Variants in SPIRE2 observed in about 807,000 individuals in gnomAD.
SPIRE2 encodes spire type actin nucleation factor 2, also known as protein spire homolog 2.
A neutral mutation model predicts 80.7 loss-of-function variants in SPIRE2; 76 were observed. The ratio of observed to expected loss-of-function variants is 0.94; its 90% CI spans 0.78 to 1.14. The LOEUF (loss-of-function observed/expected upper bound fraction) is 1.14, where lower values mean the gene tolerates loss of function less well. Among genes scored for constraint, SPIRE2 ranks in the 50% most tolerant of loss-of-function variants. SPIRE2 has a pLI of 0.00. For missense variants in SPIRE2, 1,196 were observed against 1,015.3 expected, an observed-to-expected ratio of 1.18 and a Z score of -2.42; for synonymous variants, 535 against 432.6, an observed-to-expected ratio of 1.24 and a Z score of -2.94.
At chr16:89,852,485 C>T (rs1242896363) in intron 3 of SPIRE2, among the ~76,000 whole-genome samples, 1 of 1,472 alleles carries the variant, frequency 6.8e-4, no homozygotes. Flanking sequence ...TTCCATCCTC[C>T]CCCCACCCCC....
At chr16:89,843,780 A>G (rs1341808974) in intron 1 of SPIRE2, among the ~76,000 whole-genome samples, 1 of 108,290 alleles carries the variant, frequency 9.2e-6, no homozygotes, top group Admixed American at 1.1e-4. Flanking sequence ...GTTCACTGCA[A>G]CCTCCACCCC....
Position 89,870,321 on chromosome 16 carries a change from C to A in SPIRE2, c.*49C>A. On this transcript the variant is annotated 3_prime_UTR_variant, in exon 15 of 15. Transcript: ENST00000378247. ...AGGAGGCACCAGGCAGGCCCTGTAT[C>A]AGGCTAGGACGCTCTGAGCTGTGCA... 1.6e-6 allele frequency: 2 copies of A among 1,220,112 alleles called. No homozygotes were observed. The highest frequency in any genetic ancestry group is 2.4e-6 in the Non-Finnish European group (2 of 849,612). The allele number at this position is 1,220,112 out of a possible 1,614,324, so 75.6% of individuals were successfully genotyped here. A position where few individuals can be genotyped will look rare whatever the true frequency, so the allele number is the denominator to read the frequency against.
chr16:89,850,629 C>G lies in SPIRE2; in HGVS notation c.614C>G (p.Ala205Gly). The G allele has an allele frequency of 6.6e-7, 1 of 1,512,176 alleles. No individual in the cohort carries two copies. Among genetic ancestry groups the G allele is most frequent in the Non-Finnish European group, 8.8e-7 (1 of 1,136,346 alleles). The allele number at this position is 1,512,176 out of a possible 1,614,324, so 93.7% of individuals were successfully genotyped here. ...ALFVETLELRAFLARVREAKE... is the reference protein window; with the variant it reads ...ALFVETLELRGFLARVREAKE... ...TTCGTGGAGACGCTGGAGCTGCGGG[C>G]CTTCCTGGCCAGGGTCCGGGAGGCC... The change falls in exon 3 of 15, where the codon GCC becomes GGC. Residue 205 changes from alanine to glycine, a missense_variant. Ala to Gly is a moderately conservative substitution (Grantham distance 60, BLOSUM62 0). Coordinates refer to ENST00000378247, the MANE Select transcript of SPIRE2 (RefSeq NM_032451.2).
rs911249452 is a variant in SPIRE2 at position 89,828,723 on chromosome 16, G to A, written c.173G>A (p.Arg58His). The change falls in exon 1 of 15, where the codon CGC becomes CAC. Residue 58 changes from arginine to histidine, a missense_variant. By Grantham distance (29) the Arg-to-His change is conservative (BLOSUM62 0). Coordinates refer to ENST00000378247, the MANE Select transcript of SPIRE2 (RefSeq NM_032451.2). This position sits in a 1 kb window ranked among gnomAD's most constrained non-coding sequence, Gnocchi z 5.9. Reference protein sequence around the residue: ...CRGLRGSPGRRLRDTGDLLLR... With the variant: ...CRGLRGSPGRHLRDTGDLLLR... ...GGGCTGCGGGGCTCGCCGGGCCGGC[G>A]CCTGCGGGATACCGGGGACCTCCTG... The A allele has an allele frequency of 8.8e-6, 11 of 1,253,268 alleles. No individual in the cohort carries two copies. Among genetic ancestry groups the A allele is most frequent in the Non-Finnish European group, 1.1e-5 (11 of 995,770 alleles). The allele number at this position is 1,253,268 out of a possible 1,614,324, so 77.6% of individuals were successfully genotyped here. A position where few individuals can be genotyped will look rare whatever the true frequency, so the allele number is the denominator to read the frequency against.
At chr16:89,848,073 A>C (rs1205024798) in intron 2 of SPIRE2, among the ~76,000 whole-genome samples, 3 of 152,192 alleles carry the variant, frequency 2.0e-5, no homozygotes, top group Non-Finnish European at 4.4e-5. Context: ...CAGGTGGGAA[A>C]CACATTTCCC....
chr16:89,850,601 C>G lies in SPIRE2; in HGVS notation c.586C>G (p.Leu196Val). Reference protein sequence around the residue: ...QAHYQAVCRALFVETLELRAF... With the variant: ...QAHYQAVCRAVFVETLELRAF... Reference sequence around the variant, plus strand: ...GCATTACCAGGCCGTGTGCCGCGCGCTCTTCGTGGAGACGCTGGAGCTGCG... The same window carrying G: ...GCATTACCAGGCCGTGTGCCGCGCGGTCTTCGTGGAGACGCTGGAGCTGCG... The change falls in exon 3 of 15, where the codon CTC becomes GTC. Residue 196 changes from leucine (L) to valine (V), a missense_variant. Coordinates refer to ENST00000378247, the MANE Select transcript of SPIRE2 (RefSeq NM_032451.2). 6.6e-7 allele frequency: 1 copy of G among 1,519,512 alleles called. No homozygotes were observed. The highest frequency in any genetic ancestry group is 8.8e-7 in the Non-Finnish European group (1 of 1,139,578). The allele number at this position is 1,519,512 out of a possible 1,614,324, so 94.1% of individuals were successfully genotyped here.
chr16:89,858,620 C>T, intron 8 of SPIRE2, 113 bp downstream of exon 8: 1 of 1,017,708 alleles, frequency 9.8e-7, no homozygotes, highest in South Asian at 2.1e-5. Flanking sequence ...TGTCTCCTGT[C>T]CAGGAGCCCT....
At chr16:89,839,008 A>G (rs2041477552) in intron 1 of SPIRE2, among the ~76,000 whole-genome samples, 1 of 151,206 alleles carries the variant, frequency 6.6e-6, no homozygotes. Flanking sequence ...GGGATTACAG[A>G]CGTGTCTCAA....
chr16:89,851,214 C>T (rs547553005), intron 3 of SPIRE2, among the ~76,000 whole-genome samples: 5 of 152,290 alleles, frequency 3.3e-5, no homozygotes, highest in Non-Finnish European at 5.9e-5. Context: ...CCTCTCCCAG[C>T]GCGCATTATT....
At chr16:89,833,051 C>T (rs925948137) in intron 1 of SPIRE2, among the ~76,000 whole-genome samples, 1 of 150,396 alleles carries the variant, frequency 6.6e-6, no homozygotes, top group Middle Eastern at 3.2e-3. Context: ...AGTGCAATGC[C>T]GTGATCTCAG....
At chr16:89,839,232 GGC>G (rs1235105638) in intron 1 of SPIRE2, among the ~76,000 whole-genome samples, 2 of 152,048 alleles carry the variant, frequency 1.3e-5, no homozygotes, top group Non-Finnish European at 2.9e-5. Flanking sequence ...AAATTAGCTG[GGC>G]GTGGTGGCGG....
intron 10 of SPIRE2, 31 bp downstream of exon 10, chr16:89,860,826 G>A (rs1362993680): frequency 1.6e-5 from 22 of 1,363,196 alleles, no homozygotes; most frequent in Non-Finnish European, 2.0e-5. Context: ...CGTCCAGGGC[G>A]GCCCAGGGGG....
chr16:89,858,850 C>G (rs932886079), intron 8 of SPIRE2, among the ~76,000 whole-genome samples: 1 of 152,196 alleles, frequency 6.6e-6, no homozygotes, highest in Non-Finnish European at 1.5e-5. Context: ...CCCTGCCCAC[C>G]CTGGCTGCCC....
intron 7 of SPIRE2, among the ~76,000 whole-genome samples, chr16:89,856,911 GA>G (rs2041696284): frequency 6.6e-6 from 1 of 151,304 alleles, no homozygotes; most frequent in Non-Finnish European, 1.5e-5. Flanking sequence ...AAATTTCAAA[GA>G]AAAATTAGCC....
chr16:89,864,722 C>T (rs2041774387), intron 12 of SPIRE2, among the ~76,000 whole-genome samples: 1 of 152,186 alleles, frequency 6.6e-6, no homozygotes, highest in Non-Finnish European at 1.5e-5. Context: ...GATTGTTGCT[C>T]TAGGCCTGAC....
rs763003194 is a variant in SPIRE2, at chr16:89,869,591, G to C, written c.1831G>C (p.Gly611Arg). 1 of 1,613,936 alleles carries C rather than the reference G, an allele frequency of 6.2e-7. No individual in the cohort carries two copies. Among genetic ancestry groups the C allele is most frequent in the South Asian group, 1.1e-5 (1 of 91,068 alleles). ...IKMKMPSKKF[G>R]HIPVYTLGFE... ...GATGAAGATGCCTTCTAAGAAATTTGGACACATCCCTGTCTACACACTGGG... is the reference window on the plus strand; with the variant it reads ...GATGAAGATGCCTTCTAAGAAATTTCGACACATCCCTGTCTACACACTGGG... The change falls in exon 14 of 15, where the codon GGA (glycine) becomes CGA (arginine). Residue 611 changes from glycine to arginine, a missense_variant. Physicochemically the swap from Gly to Arg is moderately radical, Grantham distance 125. Coordinates refer to ENST00000378247, the MANE Select transcript of SPIRE2 (RefSeq NM_032451.2).
chr16:89,842,759 G>A (rs1199672925), intron 1 of SPIRE2, among the ~76,000 whole-genome samples: 3 of 152,142 alleles, frequency 2.0e-5, no homozygotes, highest in Admixed American at 6.5e-5. Context: ...CCATGGCCTC[G>A]GCCCAATCAC....
chr16:89,857,769 C>T (rs1244160260), intron 7 of SPIRE2, among the ~76,000 whole-genome samples: 2 of 151,806 alleles, frequency 1.3e-5, no homozygotes, highest in African/African-American at 2.4e-5. Context: ...GGGGTTTCTC[C>T]ATGTTGGTCA....
At chr16:89,855,912 AC>A in intron 6 of SPIRE2, 200 bp from the exon 7 acceptor site, 2 of 1,051,756 alleles carry the variant, frequency 1.9e-6, no homozygotes, top group Non-Finnish European at 2.7e-6. Context: ...AGCCATGCCC[AC>A]CCCACCCCAG....
Sources: allele counts gnomAD v4.1 joint callset (sites outside exome capture counted in the v4.1 genomes callset), GRCh38; gene constraint gnomAD v4.1.1; non-coding constraint Gnocchi (gnomAD v3.1); transcripts MANE v1.5; gene names NCBI Gene and HGNC (gene_info 2026-07-23, HGNC 2026-07-21).